The following C2orf76 variants were observed in gnomAD, a reference collection of about 807,000 sequenced individuals.
C2orf76 encodes chromosome 2 open reading frame 76.
A neutral mutation model predicts 16.9 loss-of-function variants in C2orf76; 23 were observed. That is an observed-to-expected ratio of 1.36 (90% CI 0.98 to 1.93). The LOEUF is 1.93. Ranked by LOEUF, C2orf76 falls within the 30% of genes most tolerant of loss-of-function variation. C2orf76 has a pLI of 0.00. For missense variants in C2orf76, 152 were observed against 152.6 expected (o/e 1.00, Z 0.02); for synonymous variants, 48 against 52.3 (o/e 0.92, Z 0.35).
At chr2:119,331,291 G>GC (rs889676291) in intron 2 of C2orf76, among the ~76,000 whole-genome samples, 6 of 152,276 alleles carry the variant, frequency 3.9e-5, no homozygotes, top group Admixed American at 3.3e-4. Flanking sequence ...TACTACTGCA[G>GC]CAACACCCTT....
chr2:119,302,500 T>C lies in C2orf76; in HGVS notation c.353A>G (p.Tyr118Cys), dbSNP rs896181104. ...CCAGGATGAAATGGGATTAGCTTTG[T>C]AGTTCTTATAATCTTCTTCACAGAA... ...AFFCEEDYKN[Y>C]KANPISSW The change falls in exon 6 of 6, where the codon TAC (tyrosine) becomes TGC (cysteine). Residue 118 changes from tyrosine to cysteine, a missense_variant. By Grantham distance (194) the Tyr-to-Cys change is radical. Coordinates refer to ENST00000334816, the MANE Select transcript of C2orf76 (RefSeq NM_001322331.2). 2.7e-6 allele frequency: 4 copies of C among 1,495,476 alleles called. No individual in the cohort carries two copies. Among genetic ancestry groups the C allele is most frequent in the Admixed American group, 1.8e-5 (1 of 54,366 alleles). The allele number at this position is 1,495,476 out of a possible 1,614,324, so 92.6% of individuals were successfully genotyped here. A position where few individuals can be genotyped will look rare whatever the true frequency, so the allele number is the denominator to read the frequency against.
In C2orf76 at chr2:119,302,227, A is replaced by C; in HGVS notation, c.*245T>G. The C allele has an allele frequency of 3.2e-6, 1 of 309,320 alleles. No individual in the cohort carries two copies. The highest frequency in any genetic ancestry group is 5.9e-6 in the Non-Finnish European group (1 of 169,996). 19.2% of individuals were successfully genotyped at this position (309,320 alleles called of 1,614,324 possible). On this transcript the variant is annotated 3_prime_UTR_variant, in exon 6 of 6. Transcript: ENST00000334816. ...ATTTAAGAATCAATATTCCACAATA[A>C]TTTTTAATAACAATTTATTTCCCTT...
At chr2:119,296,583 CAGA>C in the C2orf76 span, among the ~76,000 whole-genome samples, 4 of 152,186 alleles carry the variant, frequency 2.6e-5, no homozygotes, top group African/African-American at 7.2e-5. Flanking sequence ...CAGCAATCAG[CAGA>C]AGGTTTCCAA....
chr2:119,308,738 C>T (rs2104540469), intron 5 of C2orf76, among the ~76,000 whole-genome samples: 1 of 152,338 alleles, frequency 6.6e-6, no homozygotes, highest in Admixed American at 6.5e-5. Flanking sequence ...CAGTGCTTCA[C>T]ATACAGGGAA....
At chr2:119,314,886 T>C (rs1442440447) in intron 4 of C2orf76, among the ~76,000 whole-genome samples, 2 of 152,206 alleles carry the variant, frequency 1.3e-5, no homozygotes, top group Admixed American at 6.5e-5. Context: ...TGTTTTGTTG[T>C]TAAGTTGAAG....
chr2:119,306,153 C>G (rs975862920), intron 5 of C2orf76, among the ~76,000 whole-genome samples: 1 of 152,074 alleles, frequency 6.6e-6, no homozygotes, highest in African/African-American at 2.4e-5. Context: ...TGAAGAACGG[C>G]CACCATAACA....
chr2:119,348,718 G>A (rs1333312946), intron 1 of C2orf76, among the ~76,000 whole-genome samples: 3 of 151,904 alleles, frequency 2.0e-5, no homozygotes, highest in Non-Finnish European at 2.9e-5. Context: ...TAAAGGGCTC[G>A]GTGCCGTGGC....
intron 2 of C2orf76, among the ~76,000 whole-genome samples, chr2:119,334,379 C>CAAAAAAA (rs34753333): frequency 2.4e-4 from 17 of 71,624 alleles, no homozygotes; most frequent in East Asian, 5.3e-4. Flanking sequence ...GTATGCAAAG[C>CAAAAAAA]AAAAAAAAAA....
chr2:119,332,533 G>A (rs1416551859), intron 2 of C2orf76, among the ~76,000 whole-genome samples: 2 of 150,872 alleles, frequency 1.3e-5, no homozygotes, highest in Non-Finnish European at 3.0e-5. Context: ...TTAACATGTA[G>A]TCATATTACT....
intron 1 of C2orf76, among the ~76,000 whole-genome samples, chr2:119,354,025 C>T (rs145254699): frequency 1.1e-3 from 166 of 152,262 alleles, no homozygotes; most frequent in African/African-American, 3.5e-3. Flanking sequence ...TAAATATCCT[C>T]ACCACAAAGA....
rs2104547386 is a variant in C2orf76, at chr2:119,311,666, CTT to C, written c.258_259del (p.Arg87ThrfsTer17). On this transcript the variant is annotated frameshift_variant, in exon 5 of 6. Transcript: ENST00000334816. LOFTEE classifies it high-confidence loss of function. The stretch of plus-strand genomic sequence containing the variant: ...AGTGCTGTCTTCTTTCAGCAGGAGT[CTT>C]TCGTCATCTTCCAAACTCAACACAA... 6.2e-7 allele frequency: 1 copy of C among 1,612,460 alleles called. No individual in the cohort carries two copies. The highest frequency in any genetic ancestry group is 2.2e-5 in the East Asian group (1 of 44,846).
chr2:119,311,872 G>A (rs754515728), intron 4 of C2orf76, among the ~76,000 whole-genome samples, 169 bp from the exon 5 acceptor site: 25 of 152,096 alleles, frequency 1.6e-4, no homozygotes, highest in Admixed American at 3.3e-4. Flanking sequence ...AGGTCCTGCC[G>A]AGCTCACGCA....
intron 1 of C2orf76, among the ~76,000 whole-genome samples, chr2:119,357,756 TA>T (rs1318863424): frequency 1.3e-5 from 2 of 151,782 alleles, no homozygotes; most frequent in Admixed American, 1.3e-4. Context: ...GACAAGGAAA[TA>T]AAAGGCAAAG....
intron 5 of C2orf76, among the ~76,000 whole-genome samples, chr2:119,307,245 G>C (rs1678819201): frequency 6.7e-6 from 1 of 148,872 alleles, no homozygotes; most frequent in African/African-American, 2.5e-5. Flanking sequence ...TTCAAGACCA[G>C]CCTGGCCAAC....
intron 3 of C2orf76, among the ~76,000 whole-genome samples, chr2:119,317,854 TA>T (rs56091366): frequency 0.69 from 104,315 of 150,646 alleles, 36,418 homozygotes; most frequent in African/African-American, 0.8. Context: ...GCAAATAATG[TA>T]AAAAAAAAAG....
chr2:119,284,056 G>A, the C2orf76 span, among the ~76,000 whole-genome samples: 1 of 152,108 alleles, frequency 6.6e-6, no homozygotes, highest in African/African-American at 2.4e-5. Context: ...AGAGGAAAGC[G>A]GTTTTAGACA....
chr2:119,358,299 A>C (rs145805512), intron 1 of C2orf76, among the ~76,000 whole-genome samples: 24 of 151,252 alleles, frequency 1.6e-4, no homozygotes, highest in African/African-American at 5.6e-4. Flanking sequence ...GTAAGAAGGC[A>C]AAACAGATGG....
Position 119,311,697 on chromosome 2 carries a change from CATTT to C in C2orf76, c.225_228del (p.Glu77LeufsTer3). On this transcript the variant is annotated frameshift_variant and splice_region_variant, in exon 5 of 6. Transcript: ENST00000334816. LOFTEE classifies it high-confidence loss of function. ...TCATCTTCCAAACTCAACACAAGTT[CATTT>C]GTCTAAAAAAAAAAAAGAAAATCTG... is the stretch of plus-strand genomic sequence containing the variant. 1 of 1,596,820 alleles carries C rather than the reference CATTT, an allele frequency of 6.3e-7. No individual in the cohort carries two copies. The highest frequency in any genetic ancestry group is 8.5e-7 in the Non-Finnish European group (1 of 1,176,392).
At chr2:119,335,727 C>T (rs958094240) in intron 2 of C2orf76, among the ~76,000 whole-genome samples, 10 of 152,180 alleles carry the variant, frequency 6.6e-5, no homozygotes, top group African/African-American at 2.4e-4. Flanking sequence ...ACTTAATCAA[C>T]GTCAATGTCA....
Sources: allele counts gnomAD v4.1 joint callset (sites outside exome capture counted in the v4.1 genomes callset), GRCh38; gene constraint gnomAD v4.1.1; transcripts MANE v1.5; gene names NCBI Gene and HGNC (gene_info 2026-07-23, HGNC 2026-07-21).